Variants in CDH13 observed in about 807,000 individuals in gnomAD.
CDH13 encodes the protein cadherin-13.
A neutral mutation model predicts 63.8 loss-of-function variants in CDH13; 24 were observed. That is an observed-to-expected ratio of 0.38 (90% CI 0.27 to 0.53). The LOEUF is 0.53. CDH13 is among the 20% of genes least tolerant of loss of function. CDH13 has a pLI of 0.85. For synonymous variants in CDH13, 503 were observed against 355.3 expected, an observed-to-expected ratio of 1.42 and a Z score of -4.67; for missense variants, 1,049 against 903.1, an observed-to-expected ratio of 1.16 and a Z score of -2.07.
intron 1 of CDH13, among the ~76,000 whole-genome samples, chr16:82,856,453 G>A (rs1453898536): frequency 6.6e-6 from 1 of 150,512 alleles, no homozygotes; most frequent in Non-Finnish European, 1.5e-5. Context: ...TGTAGTCTTG[G>A]CACTTTGGGA....
At chr16:83,193,022 G>A (rs904098583) in intron 4 of CDH13, among the ~76,000 whole-genome samples, 1 of 152,100 alleles carries the variant, frequency 6.6e-6, no homozygotes, top group Non-Finnish European at 1.5e-5. Flanking sequence ...CCCATCATGG[G>A]TGACGGTAGA....
chr16:83,310,121 G>T (rs905237752), intron 5 of CDH13, among the ~76,000 whole-genome samples: 10 of 152,216 alleles, frequency 6.6e-5, no homozygotes, highest in African/African-American at 2.4e-4. Flanking sequence ...TGCATTGGAA[G>T]TGACAGATGA....
At position 82,894,557 on chromosome 16, in the gene CDH13, G is replaced by C. The variant is rs563764297; in HGVS notation, c.157+36084G>C. Among the ~76,000 whole-genome samples the C allele has an allele frequency of 2.2e-3, 334 of 152,256 alleles. 1 individual carries two copies. Among genetic ancestry groups the C allele is most frequent in the African/African-American group, 7.7e-3 (322 of 41,556 alleles). On this transcript the variant is annotated intron_variant, in intron 2 of 13. Coordinates refer to ENST00000567109, the MANE Select transcript of CDH13 (RefSeq NM_001257.5). ...CTTGGGAGGCTGAGGCAAGAGAATC[G>C]CTTGAACCCAGGAGACAGAGGTTGC...
chr16:83,606,287 T>C lies in CDH13; in HGVS notation c.1101+3693T>C, dbSNP rs7204190. On this transcript the variant is annotated intron_variant, in intron 8 of 13. Transcript: ENST00000567109. Reference sequence around the variant, plus strand: ...GGTTTTTGGGAATATATGAGGTTTTTAAATTCTATCTTACATGACTTTCCC... The same window carrying C: ...GGTTTTTGGGAATATATGAGGTTTTCAAATTCTATCTTACATGACTTTCCC... Among the ~76,000 whole-genome samples, 1,406 of 152,338 alleles carry C rather than the reference T, an allele frequency of 9.2e-3. 18 individuals are homozygous for C. The highest frequency in any genetic ancestry group is 0.03 in the African/African-American group (1,253 of 41,576).
At chr16:83,056,587 G>C (rs1233238618) in intron 3 of CDH13, among the ~76,000 whole-genome samples, 1 of 152,172 alleles carries the variant, frequency 6.6e-6, no homozygotes, top group African/African-American at 2.4e-5. Context: ...ACAGCAGGCA[G>C]AACTAACTAA....
At chr16:82,840,001 C>G (rs1418977114) in intron 1 of CDH13, among the ~76,000 whole-genome samples, 2 of 152,158 alleles carry the variant, frequency 1.3e-5, no homozygotes, top group Admixed American at 6.5e-5. Flanking sequence ...CTTCTGGACT[C>G]AAACAGACAT....
intron 1 of CDH13, among the ~76,000 whole-genome samples, chr16:82,837,366 T>C (rs1033269192): frequency 2.6e-5 from 4 of 152,116 alleles, no homozygotes; most frequent in African/African-American, 9.7e-5. Flanking sequence ...ACAGAACAAA[T>C]GAATGAAATT....
chr16:83,038,565 C>G (rs1002886434), intron 3 of CDH13, among the ~76,000 whole-genome samples: 4 of 152,196 alleles, frequency 2.6e-5, no homozygotes, highest in Middle Eastern at 3.2e-3. Context: ...TATGTCTGGA[C>G]AGAATCATGA....
At chr16:83,040,323 C>G (rs1483020932) in intron 3 of CDH13, among the ~76,000 whole-genome samples, 2 of 152,108 alleles carry the variant, frequency 1.3e-5, no homozygotes, top group Non-Finnish European at 1.5e-5. Context: ...AGAATTGACT[C>G]ACATCATCAC....
At chr16:83,468,745 C>T (rs577681248) in intron 6 of CDH13, among the ~76,000 whole-genome samples, 1 of 152,288 alleles carries the variant, frequency 6.6e-6, no homozygotes, top group Non-Finnish European at 1.5e-5. Context: ...TATAAATCAT[C>T]GTCCTGTGTA....
chr16:82,855,384 C>G (rs547293969), intron 1 of CDH13, among the ~76,000 whole-genome samples: 1 of 152,296 alleles, frequency 6.6e-6, no homozygotes, highest in African/African-American at 2.4e-5. Flanking sequence ...ATTTCACCTT[C>G]TTTACTTCCT....
At chr16:83,400,801 A>C (rs1367051768) in intron 6 of CDH13, among the ~76,000 whole-genome samples, 1 of 152,186 alleles carries the variant, frequency 6.6e-6, no homozygotes, top group Non-Finnish European at 1.5e-5. Context: ...CTTGTTGTTT[A>C]GAATGGCACG....
intron 3 of CDH13, among the ~76,000 whole-genome samples, chr16:83,097,114 T>C (rs185432920): frequency 6.6e-6 from 1 of 152,338 alleles, no homozygotes; most frequent in African/African-American, 2.4e-5. Flanking sequence ...AACTCAGTTT[T>C]TCTCAACAAA....
intron 3 of CDH13, among the ~76,000 whole-genome samples, chr16:83,074,191 G>A (rs894620028): frequency 1.3e-5 from 2 of 152,186 alleles, no homozygotes; most frequent in East Asian, 1.9e-4. Context: ...CCACCATTGC[G>A]CTCTTTTTCT....
rs1464616176 is a variant in CDH13, at chr16:83,073,212, T to A, written c.366+40994T>A. ...GAAGCTTGGATTTGAGTACAGGTCG[T>A]CTGGTTCCAGAGCTTGCACGAAATC... On this transcript the variant is annotated intron_variant, in intron 3 of 13. Coordinates refer to ENST00000567109, the MANE Select transcript of CDH13 (RefSeq NM_001257.5). Among the ~76,000 whole-genome samples, 5 of 152,066 alleles carry A rather than the reference T, an allele frequency of 3.3e-5. 1 individual carries two copies. The East Asian group carries it at 9.7e-4, about 29-fold the overall frequency.
chr16:83,454,879 G>C (rs2072980254), intron 6 of CDH13, among the ~76,000 whole-genome samples: 1 of 151,946 alleles, frequency 6.6e-6, no homozygotes, highest in Admixed American at 6.6e-5. Context: ...GCTAAGTTTT[G>C]TATTTTTTTA....
At chr16:82,690,366 A>G (rs1009347913) in intron 1 of CDH13, among the ~76,000 whole-genome samples, 1 of 152,148 alleles carries the variant, frequency 6.6e-6, no homozygotes, top group Admixed American at 6.5e-5. Context: ...ATATTTAGCT[A>G]TAAATGAAGA....
At chr16:82,910,809 G>A (rs1052292221) in intron 2 of CDH13, among the ~76,000 whole-genome samples, 1 of 152,158 alleles carries the variant, frequency 6.6e-6, no homozygotes, top group Non-Finnish European at 1.5e-5. Context: ...GATTTCCAAA[G>A]CCATATTGTC....
At chr16:83,771,030 G>A (rs1359816457) in intron 11 of CDH13, among the ~76,000 whole-genome samples, 1 of 152,136 alleles carries the variant, frequency 6.6e-6, no homozygotes, top group Non-Finnish European at 1.5e-5. Flanking sequence ...CTTAATCTGA[G>A]TGTCTAGTTT....
Sources: allele counts gnomAD v4.1 joint callset (sites outside exome capture counted in the v4.1 genomes callset), GRCh38; gene constraint gnomAD v4.1.1; transcripts MANE v1.5; gene names NCBI Gene and HGNC (gene_info 2026-07-23, HGNC 2026-07-21).